Variants in IQGAP1 observed in about 807,000 individuals in gnomAD.
The protein encoded by IQGAP1 is ras GTPase-activating-like protein IQGAP1.
Under a neutral mutation model 215.6 loss-of-function variants are expected in IQGAP1, and 66 were observed. That is an observed-to-expected ratio of 0.31 (90% CI 0.25 to 0.38). The LOEUF is 0.38. Among genes scored for constraint, IQGAP1 ranks in the 10% least tolerant of loss-of-function variants. IQGAP1 has a pLI of 1.00. For synonymous variants in IQGAP1, 772 were observed against 728.7 expected, an observed-to-expected ratio of 1.06 and a Z score of -0.96; for missense variants, 1,712 against 1,997.1, an observed-to-expected ratio of 0.86 and a Z score of 2.72.
chr15:90,426,338 G>C, intron 3 of IQGAP1, 72 bp downstream of exon 3: 2 of 1,501,240 alleles, frequency 1.3e-6, no homozygotes, highest in African/African-American at 2.9e-5. Context: ...TTTTGTGTAA[G>C]AGTTATTGAG....
At chr15:90,467,631 A>C in intron 18 of IQGAP1, 39 bp downstream of exon 18, 1 of 1,569,006 alleles carries the variant, frequency 6.4e-7, no homozygotes, top group Non-Finnish European at 8.6e-7. Context: ...AGCTGAGAGA[A>C]AGTGTTTTCA....
Position 90,477,212 on chromosome 15 carries a change from C to T in IQGAP1, c.3086C>T (p.Ala1029Val). ...CTGCTCCTGCGGCTCTTTAAGACAG[C>T]ACTCCAAGAGGAAATCAAGTATGAA... ...EYLLLRLFKT[A>V]LQEEIKSKVD... The change falls in exon 25 of 38, where the codon GCA becomes GTA. Residue 1029 changes from alanine (A) to valine (V), a missense_variant. Around this residue, in one of 2 missense-constraint regions of IQGAP1, gnomAD observed 691 missense variants for 923.0 expected, o/e 0.75. Coordinates refer to ENST00000268182, the MANE Select transcript of IQGAP1 (RefSeq NM_003870.4). 2 of 1,614,008 alleles carry T rather than the reference C, an allele frequency of 1.2e-6. No individual in the cohort carries two copies. The highest frequency in any genetic ancestry group is 1.7e-6 in the Non-Finnish European group (2 of 1,179,954).
chr15:90,434,840 A>T (rs1965349012), intron 5 of IQGAP1, among the ~76,000 whole-genome samples: 1 of 152,178 alleles, frequency 6.6e-6, no homozygotes, highest in African/African-American at 2.4e-5. Context: ...TTGGATTTTC[A>T]GATTTGGTAT....
At chr15:90,451,438 C>T (rs1292841015) in intron 11 of IQGAP1, among the ~76,000 whole-genome samples, 1 of 152,122 alleles carries the variant, frequency 6.6e-6, no homozygotes, top group Non-Finnish European at 1.5e-5. Flanking sequence ...GAGTAGGGGT[C>T]CTGGCTTTAT....
In IQGAP1 at chr15:90,388,261, A is replaced by G. The variant is rs887677380; in HGVS notation, c.-81A>G. 6.6e-6 allele frequency: 10 copies of G among 1,504,700 alleles called. No individual in the cohort carries two copies. Among genetic ancestry groups the G allele is most frequent in the Non-Finnish European group, 9.1e-6 (10 of 1,104,294 alleles). 93.2% of individuals were successfully genotyped at this position (1,504,700 alleles called of 1,614,324 possible). A position where few individuals can be genotyped will look rare whatever the true frequency, so the allele number is the denominator to read the frequency against. On this transcript the variant is annotated 5_prime_UTR_variant, in exon 1 of 38. Coordinates refer to ENST00000268182, the MANE Select transcript of IQGAP1 (RefSeq NM_003870.4). ...CTCGGGGACCCCGGCAAGCCCGCGC[A>G]CTTGGCAGGAGCTGTAGCTACCGCC...
chr15:90,411,154 C>T (rs933199454), intron 2 of IQGAP1, among the ~76,000 whole-genome samples: 2 of 152,220 alleles, frequency 1.3e-5, no homozygotes, highest in African/African-American at 4.8e-5. Context: ...CTTGGCCATC[C>T]ATCCTTACCC....
intron 1 of IQGAP1, among the ~76,000 whole-genome samples, chr15:90,390,569 C>T (rs1964621526): frequency 6.6e-6 from 1 of 152,184 alleles, no homozygotes; most frequent in African/African-American, 2.4e-5. Context: ...TATTATCATA[C>T]ATTTTTAAAA....
At chr15:90,423,002 G>C (rs1023693983) in intron 2 of IQGAP1, among the ~76,000 whole-genome samples, 5 of 151,682 alleles carry the variant, frequency 3.3e-5, no homozygotes, top group African/African-American at 1.2e-4. Context: ...GCCATTTTTA[G>C]ATATATATTA....
At chr15:90,477,310 T>C in intron 25 of IQGAP1, 80 bp downstream of exon 25, 1 of 1,165,744 alleles carries the variant, frequency 8.6e-7, no homozygotes, top group Non-Finnish European at 1.2e-6. Context: ...GCCTTCCTGA[T>C]CTTTTCTTGA....
intron 36 of IQGAP1, among the ~76,000 whole-genome samples, chr15:90,495,651 CTTT>C (rs199894206): frequency 7.1e-6 from 1 of 140,060 alleles, no homozygotes; most frequent in Non-Finnish European, 1.5e-5. Context: ...TTTTCTTCTT[CTTT>C]TTTTTTTTTC....
At chr15:90,474,867 C>T (rs1194073436) in intron 23 of IQGAP1, 174 bp downstream of exon 23, 4 of 587,522 alleles carry the variant, frequency 6.8e-6, no homozygotes, top group Non-Finnish European at 9.0e-6. Context: ...GGTTGTAGTG[C>T]GATGTGATCT....
chr15:90,426,953 CA>C lies in IQGAP1; in HGVS notation c.312+704del, dbSNP rs56984277. The stretch of plus-strand genomic sequence containing the variant: ...TGGGTGTCAGAGTGAGACTCCATCT[CA>C]AAAAAAAAAAAAAAAAGAAAGCCTA... On this transcript the variant is annotated intron_variant, in intron 3 of 37. Transcript: ENST00000268182. Among the ~76,000 whole-genome samples, 488 of 93,834 alleles carry C rather than the reference CA, an allele frequency of 5.2e-3. 1 individual carries two copies. Among genetic ancestry groups the C allele is most frequent in the African/African-American group, 7.2e-3 (195 of 27,136 alleles). 61.6% of individuals were successfully genotyped at this position (93,834 alleles called of 152,430 possible).
In IQGAP1 at chr15:90,462,812, A is replaced by C. The variant is rs181245845; in HGVS notation, c.1777-3189A>C. On this transcript the variant is annotated intron_variant, in intron 15 of 37. Transcript: ENST00000268182. ...TATCTCTTTACCTCTTCTGAAATGC[A>C]ATCAGCGTGTTTCTAAGTGTCAGAG... Among the ~76,000 whole-genome samples the C allele has an allele frequency of 1.3e-4, 20 of 152,180 alleles. No homozygotes were observed. The East Asian group carries it at 2.5e-3, about 19-fold the overall frequency.
intron 2 of IQGAP1, among the ~76,000 whole-genome samples, chr15:90,403,922 G>A (rs997578520): frequency 6.6e-6 from 1 of 152,152 alleles, no homozygotes; most frequent in African/African-American, 2.4e-5. Context: ...TTATCTGCCC[G>A]CCTTGGCCTC....
At chr15:90,474,042 T>TGTC (rs1555440584) in intron 21 of IQGAP1, 22 bp from the exon 22 acceptor site, 80 of 1,610,216 alleles carry the variant, frequency 5.0e-5, no homozygotes, top group Non-Finnish European at 6.5e-5. Flanking sequence ...AACAGAGAAA[T>TGTC]TTCTTCTTTT....
chr15:90,435,960 G>A (rs1315827360), intron 5 of IQGAP1, among the ~76,000 whole-genome samples: 1 of 151,600 alleles, frequency 6.6e-6, no homozygotes, highest in Non-Finnish European at 1.5e-5. Context: ...ACACAGCCAT[G>A]TTCAAAGCAG....
intron 18 of IQGAP1, among the ~76,000 whole-genome samples, chr15:90,470,102 C>T (rs1965885280): frequency 6.6e-6 from 1 of 152,176 alleles, no homozygotes; most frequent in Admixed American, 6.5e-5. Flanking sequence ...AGAATTTAAA[C>T]AGGGAAGGGA....
chr15:90,470,731 G>C (rs1740436893), intron 18 of IQGAP1, among the ~76,000 whole-genome samples: 1 of 151,958 alleles, frequency 6.6e-6, no homozygotes, highest in African/African-American at 2.4e-5. Context: ...CTTTTACTTA[G>C]TAAAACTCTT....
At chr15:90,484,178 G>A (rs752592730) in intron 29 of IQGAP1, 42 bp from the exon 30 acceptor site, 7 of 1,600,886 alleles carry the variant, frequency 4.4e-6, no homozygotes, top group Middle Eastern at 3.3e-4. Context: ...AACTTCATGT[G>A]TATGTCCCTT....
Sources: gnomAD v4.1 joint callset for allele counts (sites outside exome capture counted in the v4.1 genomes callset) on GRCh38, gnomAD v4.1.1 for gene constraint, gnomAD v4.1.1 regional missense constraint, MANE v1.5 for transcripts, NCBI Gene and HGNC (gene_info 2026-07-23, HGNC 2026-07-21) for gene names.